The following RBFOX1 variants were observed in gnomAD, a reference collection of about 807,000 sequenced individuals.
RBFOX1 encodes RNA binding fox-1 homolog 1, also known as RNA binding protein fox-1 homolog 1.
A neutral mutation model predicts 57.7 loss-of-function variants in RBFOX1; 8 were observed. That is an observed-to-expected ratio of 0.14 (90% CI 0.08 to 0.25). The LOEUF (loss-of-function observed/expected upper bound fraction) is 0.25, where lower values mean the gene tolerates loss of function less well. Among genes scored for constraint, RBFOX1 ranks in the 10% least tolerant of loss-of-function variants. RBFOX1 has a pLI of 1.00. For synonymous variants in RBFOX1, 326 were observed against 222.4 expected (o/e 1.47, Z -4.15); for missense variants, 611 against 548.5 (o/e 1.11, Z -1.14).
intron 1 of RBFOX1, among the ~76,000 whole-genome samples, chr16:5,408,916 C>T (rs972678603): frequency 3.3e-5 from 5 of 152,166 alleles, no homozygotes; most frequent in African/African-American, 1.2e-4. Context: ...GAGAAATCCG[C>T]CCCCGTGATC....
intron 2 of RBFOX1, among the ~76,000 whole-genome samples, chr16:6,586,674 G>A (rs138999169): frequency 4.6e-5 from 7 of 152,052 alleles, no homozygotes; most frequent in African/African-American, 1.7e-4. Context: ...TGGCAAGATG[G>A]CTTCCAGCAG....
At position 5,943,563 on chromosome 16, in the gene RBFOX1, C is replaced by G. The variant is rs556863489; in HGVS notation, c.351+76228C>G. On this transcript the variant is annotated intron_variant, in intron 4 of 19. Coordinates refer to the RBFOX1 transcript ENST00000641259. Reference sequence around the variant, plus strand: ...GGTCAAGACACAGCACTGGGAGACCCTAAGTCCTTTATGTCACTAACTCTT... The same window carrying G: ...GGTCAAGACACAGCACTGGGAGACCGTAAGTCCTTTATGTCACTAACTCTT... Among the ~76,000 whole-genome samples, 57 of 152,314 alleles carry G rather than the reference C, an allele frequency of 3.7e-4. 2 individuals are homozygous for G. In the South Asian group the frequency reaches 0.012, roughly 31 times the overall value.
At chr16:5,901,674 T>A (rs1450605104) in intron 4 of RBFOX1, among the ~76,000 whole-genome samples, 1 of 152,190 alleles carries the variant, frequency 6.6e-6, no homozygotes, top group Non-Finnish European at 1.5e-5. Context: ...TTTCCATCAC[T>A]ACAAAAATTA....
intron 4 of RBFOX1, among the ~76,000 whole-genome samples, chr16:7,483,662 T>G (rs1478560841): frequency 2.0e-5 from 3 of 152,172 alleles, no homozygotes; most frequent in African/African-American, 7.2e-5. Flanking sequence ...TCTTATAGGT[T>G]GGGAAATATT....
rs375918946 is a variant in RBFOX1 at position 6,149,452 on chromosome 16, T to C, written c.-127+129460T>C. ...CCCGTGTATGCTTTAATGCTTTGCTTTTACCATCTTGAAATTCTTAGTAAT... is the reference window on the plus strand; with the variant it reads ...CCCGTGTATGCTTTAATGCTTTGCTCTTACCATCTTGAAATTCTTAGTAAT... On this transcript the variant is annotated intron_variant, in intron 1 of 15. Transcript: ENST00000550418. Among the ~76,000 whole-genome samples, 7 of 152,222 alleles carry C rather than the reference T, an allele frequency of 4.6e-5. No homozygotes were observed. In the East Asian group the frequency reaches 7.7e-4, roughly 17 times the overall value.
intron 2 of RBFOX1, among the ~76,000 whole-genome samples, chr16:6,339,550 T>C (rs2084233866): frequency 6.6e-6 from 1 of 152,232 alleles, no homozygotes; most frequent in African/African-American, 2.4e-5. Flanking sequence ...AGTATTCTCA[T>C]ACTGATTCTG....
intron 4 of RBFOX1, among the ~76,000 whole-genome samples, chr16:7,499,806 C>A (rs545586381): frequency 6.6e-6 from 1 of 151,868 alleles, no homozygotes; most frequent in African/African-American, 2.4e-5. Flanking sequence ...TTATCTACTT[C>A]GCAGTTGTTG....
intron 3 of RBFOX1, among the ~76,000 whole-genome samples, chr16:6,851,926 G>GTTTTTTTTTT (rs71147610): frequency 7.0e-6 from 1 of 143,592 alleles, no homozygotes. Flanking sequence ...TTTCCATTGG[G>GTTTTTTTTTT]TTTTTTTTTT....
At chr16:5,531,975 T>C (rs142029355) in intron 2 of RBFOX1, among the ~76,000 whole-genome samples, 40 of 152,282 alleles carry the variant, frequency 2.6e-4, no homozygotes, top group African/African-American at 9.4e-4. Context: ...AATTTTTGTA[T>C]TTTTAGTAGA....
chr16:5,894,599 A>G (rs1182013249), intron 4 of RBFOX1, among the ~76,000 whole-genome samples: 2 of 152,154 alleles, frequency 1.3e-5, no homozygotes, highest in Non-Finnish European at 2.9e-5. Context: ...AAAGGAGTAG[A>G]CAATTAAGAA....
intron 4 of RBFOX1, among the ~76,000 whole-genome samples, chr16:7,182,687 C>T (rs951504049): frequency 1.3e-5 from 2 of 151,416 alleles, no homozygotes; most frequent in African/African-American, 2.4e-5. Context: ...TACGATGAAG[C>T]AAAGACCAGG....
intron 3 of RBFOX1, among the ~76,000 whole-genome samples, chr16:6,756,306 G>A (rs916870150): frequency 4.6e-5 from 7 of 152,004 alleles, no homozygotes; most frequent in African/African-American, 1.7e-4. Flanking sequence ...ATTTCTTACC[G>A]TATACAAAAA....
At chr16:6,136,466 A>T (rs989696559) in intron 1 of RBFOX1, among the ~76,000 whole-genome samples, 1 of 152,172 alleles carries the variant, frequency 6.6e-6, no homozygotes, top group Admixed American at 6.5e-5. Flanking sequence ...AATTGCGGTG[A>T]TAAGGGCTTA....
chr16:5,514,525 C>T lies in RBFOX1; in HGVS notation c.258+47271C>T, dbSNP rs570785518. 1.3e-4 allele frequency among the ~76,000 whole-genome samples: 20 copies of T among 152,278 alleles called. No individual in the cohort carries two copies. In the East Asian group the frequency reaches 3.9e-3, roughly 29 times the overall value. On this transcript the variant is annotated intron_variant, in intron 2 of 2. Coordinates refer to the RBFOX1 transcript ENST00000585867. ...CTTTAGTGAGAGGAGCCATGAGTGACAGGGCAGAAGGCATAGTGTGGGTAC... is the reference window on the plus strand; with the variant it reads ...CTTTAGTGAGAGGAGCCATGAGTGATAGGGCAGAAGGCATAGTGTGGGTAC...
At chr16:7,217,224 C>A (rs1207645093) in intron 4 of RBFOX1, among the ~76,000 whole-genome samples, 1 of 150,812 alleles carries the variant, frequency 6.6e-6, no homozygotes, top group Non-Finnish European at 1.5e-5. Context: ...CCTCCCACAG[C>A]AGGAGTAGCT....
chr16:6,791,202 C>G (rs116052245), intron 3 of RBFOX1, among the ~76,000 whole-genome samples: 1 of 152,074 alleles, frequency 6.6e-6, no homozygotes, highest in Non-Finnish European at 1.5e-5. Flanking sequence ...CCACCACACC[C>G]GGCCTGTTCT....
intron 2 of RBFOX1, among the ~76,000 whole-genome samples, chr16:5,581,256 C>A (rs551719286): frequency 2.0e-5 from 3 of 152,234 alleles, no homozygotes; most frequent in South Asian, 2.1e-4. Flanking sequence ...TGTCATGTGC[C>A]AGGGACTGTG....
In RBFOX1 at chr16:6,028,405, G is replaced by A. The variant is rs115714722; in HGVS notation, c.-127+8413G>A. Among the ~76,000 whole-genome samples, 395 of 151,560 alleles carry A rather than the reference G, an allele frequency of 2.6e-3. 2 individuals carry two copies. The highest frequency in any genetic ancestry group is 0.021 in the Middle Eastern group (6 of 290). ...AAGAACATGATGACCGGGCATGGTG[G>A]CTCCTGCCTGCAATCCCAACACTTT... On this transcript the variant is annotated intron_variant, in intron 1 of 15. Coordinates refer to ENST00000550418, the MANE Select transcript of RBFOX1 (RefSeq NM_018723.4).
intron 4 of RBFOX1, among the ~76,000 whole-genome samples, chr16:7,339,417 G>C (rs982960113): frequency 6.6e-6 from 1 of 152,146 alleles, no homozygotes; most frequent in Admixed American, 6.6e-5. Context: ...ATTCTGGAGA[G>C]AGAAGGAGAG....
Sources: allele counts gnomAD v4.1 joint callset (sites outside exome capture counted in the v4.1 genomes callset), GRCh38; gene constraint gnomAD v4.1.1; transcripts MANE v1.5; gene names NCBI Gene and HGNC (gene_info 2026-07-23, HGNC 2026-07-21).